ERICH1: variants seen among roughly 807,000 people sequenced by gnomAD.
The protein encoded by ERICH1 is glutamate-rich protein 1.
A neutral mutation model predicts 39.6 loss-of-function variants in ERICH1; 56 were observed. The ratio of observed to expected loss-of-function variants is 1.41; its 90% CI spans 1.14 to 1.77. ERICH1 has a LOEUF of 1.77. Among genes scored for constraint, ERICH1 ranks in the 40% most tolerant of loss-of-function variants. The pLI is 0.00. For missense variants in ERICH1, 826 were observed against 575.4 expected, an observed-to-expected ratio of 1.44 and a Z score of -4.45; for synonymous variants, 313 against 223.6, an observed-to-expected ratio of 1.40 and a Z score of -3.57.
intron 5 of ERICH1, chr8:668,034 C>T (rs1802547922): frequency 5.6e-6 from 1 of 178,656 alleles, no homozygotes; most frequent in Non-Finnish European, 1.2e-5. Flanking sequence ...AGGTGAATGG[C>T]TCAACAGCCT....
chr8:636,928 C>A (rs1458603357), intron 3 of ERICH1, among the ~76,000 whole-genome samples: 2 of 152,142 alleles, frequency 1.3e-5, no homozygotes, highest in African/African-American at 2.4e-5. Flanking sequence ...TGGTTCAGGA[C>A]TTCCTTCTCA....
intron 3 of ERICH1, among the ~76,000 whole-genome samples, chr8:628,480 GCT>G: frequency 6.6e-6 from 1 of 152,354 alleles, no homozygotes; most frequent in South Asian, 2.1e-4. Context: ...GCATGTGGCT[GCT>G]CCCCAGTCCC....
intron 3 of ERICH1, among the ~76,000 whole-genome samples, chr8:679,583 T>C (rs1021360143): frequency 1.3e-5 from 2 of 152,190 alleles, no homozygotes; most frequent in Non-Finnish European, 2.9e-5. Flanking sequence ...CCATGCAAGA[T>C]ATTCACGAGA....
At chr8:623,060 C>T (rs968259505) in intron 3 of ERICH1, among the ~76,000 whole-genome samples, 9 of 152,192 alleles carry the variant, frequency 5.9e-5, no homozygotes, top group African/African-American at 2.2e-4. Context: ...TTAACACTTC[C>T]CAACTCATTT....
chr8:661,346 G>A (rs145674138), downstream of ERICH1, among the ~76,000 whole-genome samples: 71 of 152,234 alleles, frequency 4.7e-4, 1 homozygote, highest in East Asian at 0.011. Flanking sequence ...GCTGGGCCTG[G>A]GAAACAAATT....
intron 5 of ERICH1, 69 bp from the exon 6 acceptor site, chr8:664,745 T>G (rs765103730): frequency 1.5e-4 from 204 of 1,340,170 alleles, no homozygotes; most frequent in Non-Finnish European, 2.0e-4. Context: ...GTTATTATTA[T>G]GTAGACACGA....
At chr8:618,395 T>A (rs1797068324) in intron 3 of ERICH1, among the ~76,000 whole-genome samples, 2 of 152,134 alleles carry the variant, frequency 1.3e-5, no homozygotes, top group South Asian at 4.1e-4. Flanking sequence ...TGCTTGGTGC[T>A]TGGTCCACCA....
chr8:664,020 A>C (rs1411198141), downstream of ERICH1, among the ~76,000 whole-genome samples: 1 of 152,182 alleles, frequency 6.6e-6, no homozygotes, highest in African/African-American at 2.4e-5. Context: ...CGGTCTCCCA[A>C]AGTGCCAGGA....
At chr8:653,603 C>T (rs967891685) in intron 3 of ERICH1, among the ~76,000 whole-genome samples, 1 of 152,246 alleles carries the variant, frequency 6.6e-6, no homozygotes, top group African/African-American at 2.4e-5. Flanking sequence ...CTGCCCGATT[C>T]ATGAATCATT....
chr8:697,757 G>A (rs915073323), intron 2 of ERICH1, among the ~76,000 whole-genome samples: 1 of 151,716 alleles, frequency 6.6e-6, no homozygotes, highest in African/African-American at 2.4e-5. Flanking sequence ...TCAGCTGTCA[G>A]CACAGCAGGT....
chr8:633,005 G>C (rs1267242175), intron 3 of ERICH1, among the ~76,000 whole-genome samples: 1 of 152,240 alleles, frequency 6.6e-6, no homozygotes, highest in Non-Finnish European at 1.5e-5. Flanking sequence ...GAGGGAGGCA[G>C]ATCGGCCAGA....
At chr8:688,296 T>TCCCCCGCCCCGCCCCGGCCCC (rs1808033597) in intron 3 of ERICH1, among the ~76,000 whole-genome samples, 7 of 15,822 alleles carry the variant, frequency 4.4e-4, no homozygotes, top group African/African-American at 1.5e-3. Flanking sequence ...GCCCCGGCCC[T>TCCCCCGCCCCGCCCCGGCCCC]TCCGCCGCCC....
downstream of ERICH1, among the ~76,000 whole-genome samples, chr8:660,223 G>A (rs1801215872): frequency 6.6e-6 from 1 of 152,220 alleles, no homozygotes. Flanking sequence ...CCTCCAGCAT[G>A]TGCTCATGTT....
At chr8:672,329 C>T (rs1391923767) in intron 4 of ERICH1, 1 of 152,238 alleles carries the variant, frequency 6.6e-6, no homozygotes, top group Non-Finnish European at 1.5e-5. Flanking sequence ...TTTGTTAATA[C>T]AATCTGCTGA....
chr8:689,191 G>A (rs557172874), intron 3 of ERICH1, among the ~76,000 whole-genome samples: 3 of 151,968 alleles, frequency 2.0e-5, no homozygotes, highest in South Asian at 2.1e-4. Flanking sequence ...GGCTCACCAC[G>A]GCCTCCGCCT....
At chr8:684,262 A>G (rs1585277384) in intron 3 of ERICH1, among the ~76,000 whole-genome samples, 1 of 152,244 alleles carries the variant, frequency 6.6e-6, no homozygotes, top group African/African-American at 2.4e-5. Flanking sequence ...TAGATGCAGG[A>G]CAATTTTTTT....
intron 3 of ERICH1, among the ~76,000 whole-genome samples, chr8:657,793 A>T (rs1338659182): frequency 6.6e-6 from 1 of 152,024 alleles, no homozygotes; most frequent in Non-Finnish European, 1.5e-5. Flanking sequence ...TCCTTGCGAT[A>T]ATGAGAGGGA....
chr8:693,194 A>G (rs542162299), intron 2 of ERICH1, among the ~76,000 whole-genome samples: 2 of 152,238 alleles, frequency 1.3e-5, no homozygotes, highest in South Asian at 4.1e-4. Context: ...CAGGGACAAC[A>G]AACACACACA....
At position 712,377 on chromosome 8, in the gene ERICH1, CTAAAA is replaced by C. The variant is rs1381990081; in HGVS notation, c.169+3479_169+3483del. Among the ~76,000 whole-genome samples the C allele has an allele frequency of 1.3e-5, 2 of 152,168 alleles. 1 individual carries two copies. Among genetic ancestry groups the C allele is most frequent in the African/African-American group, 4.8e-5 (2 of 41,426 alleles). The stretch of plus-strand genomic sequence containing the variant: ...GTTGTACACATTTGTTAGATCTACA[CTAAAA>C]TATTTTATTATGGGGGGGTGGTAAT... On this transcript the variant is annotated intron_variant, in intron 2 of 5. Coordinates refer to ENST00000262109, the MANE Select transcript of ERICH1 (RefSeq NM_207332.3).
Sources: allele counts gnomAD v4.1 joint callset (sites outside exome capture counted in the v4.1 genomes callset), GRCh38; gene constraint gnomAD v4.1.1; transcripts MANE v1.5; gene names NCBI Gene and HGNC (gene_info 2026-07-23, HGNC 2026-07-21).